The following PSMD1 variants were observed in gnomAD, a reference collection of about 807,000 sequenced individuals.
PSMD1 encodes the protein proteasome 26S subunit, non-ATPase 1, also known as 26S proteasome non-ATPase regulatory subunit 1.
PSMD1 carries 18 observed loss-of-function variants against 119.0 expected under a neutral mutation model. That is an observed-to-expected ratio of 0.15 (90% CI 0.10 to 0.22). PSMD1 has a LOEUF of 0.22. PSMD1 is among the 10% of genes least tolerant of loss of function. PSMD1 has a pLI of 1.00. For synonymous variants in PSMD1, 374 were observed against 396.6 expected, an observed-to-expected ratio of 0.94 and a Z score of 0.68; for missense variants, 702 against 1,158.5, an observed-to-expected ratio of 0.61 and a Z score of 5.72.
rs556369668 is a variant in PSMD1 at position 231,135,096 on chromosome 2, TTGAG to T, written c.1884-3634_1884-3631del. ...GGTAATTAATTAGGTGGCAAAACAC[TTGAG>T]TGAGTTTGTTAGATGATTTGGGTAT... is the stretch of plus-strand genomic sequence containing the variant. On this transcript the variant is annotated intron_variant, in intron 16 of 24. Transcript: ENST00000308696. Among the ~76,000 whole-genome samples the T allele has an allele frequency of 3.2e-4, 48 of 152,296 alleles. No individual in the cohort carries two copies. In the East Asian group the frequency reaches 8.3e-3, roughly 26 times the overall value.
At chr2:231,167,855 A>T (rs911889766) in intron 23 of PSMD1, among the ~76,000 whole-genome samples, 3 of 152,276 alleles carry the variant, frequency 2.0e-5, no homozygotes, top group African/African-American at 7.2e-5. Context: ...TTCTCCAAAG[A>T]AGATGTACAG....
At chr2:231,123,293 C>CT in intron 16 of PSMD1, 1 of 800,236 alleles carries the variant, frequency 1.2e-6, no homozygotes, top group East Asian at 2.6e-5. Flanking sequence ...CTTGCCGTAT[C>CT]TTTAAATAGT....
At chr2:231,069,118 T>C (rs537366762) in intron 5 of PSMD1, among the ~76,000 whole-genome samples, 14 of 151,966 alleles carry the variant, frequency 9.2e-5, no homozygotes, top group East Asian at 1.9e-4. Flanking sequence ...AAACACTTCA[T>C]TGGGGAATCT....
chr2:231,166,104 C>T (rs1696776782), intron 23 of PSMD1, 87 bp downstream of exon 23: 2 of 1,290,764 alleles, frequency 1.5e-6, no homozygotes, highest in Admixed American at 4.7e-5. Flanking sequence ...TGATAAATCT[C>T]CAAAGCATTG....
rs1694215044 is a variant in PSMD1 at position 231,078,219 on chromosome 2, G to T, written c.1072-440G>T. ...GGAGGTGGAGGCTGCAGTGAGCCGA[G>T]ATCGTACCACTGCACTCCAGCCTGG... is the stretch of plus-strand genomic sequence containing the variant. On this transcript the variant is annotated intron_variant, in intron 9 of 24. Transcript: ENST00000308696. Among the ~76,000 whole-genome samples the T allele has an allele frequency of 2.0e-5, 3 of 152,176 alleles. 1 individual carries two copies. The South Asian group carries it at 6.2e-4, about 32-fold the overall frequency.
chr2:231,094,077 G>A (rs955961130), intron 16 of PSMD1, among the ~76,000 whole-genome samples: 4 of 152,140 alleles, frequency 2.6e-5, no homozygotes, highest in Non-Finnish European at 5.9e-5. Context: ...TAGGATGTGA[G>A]TAACATCTGT....
intron 16 of PSMD1, among the ~76,000 whole-genome samples, chr2:231,135,379 T>C (rs900441390): frequency 1.3e-5 from 2 of 152,200 alleles, no homozygotes; most frequent in African/African-American, 2.4e-5. Context: ...GGAACAGACT[T>C]ACAGAACTTC....
chr2:231,063,503 T>C (rs1693810578), intron 4 of PSMD1, among the ~76,000 whole-genome samples: 1 of 152,342 alleles, frequency 6.6e-6, no homozygotes, highest in East Asian at 1.9e-4. Flanking sequence ...GTCTGTATTA[T>C]TCACTTGAAC....
chr2:231,086,241 G>A (rs1278335710), intron 15 of PSMD1, among the ~76,000 whole-genome samples: 5 of 152,064 alleles, frequency 3.3e-5, no homozygotes, highest in Non-Finnish European at 7.4e-5. Flanking sequence ...ACAGGGTCTC[G>A]CTGTGTTGCC....
chr2:231,112,657 C>A (rs1016354152), intron 16 of PSMD1, among the ~76,000 whole-genome samples: 3 of 152,052 alleles, frequency 2.0e-5, no homozygotes, highest in Admixed American at 6.5e-5. Flanking sequence ...CTGGTCAAAC[C>A]ATTGTAATTT....
At chr2:231,163,812 T>TAAAAGATA in intron 21 of PSMD1, 85 bp downstream of exon 21, 1 of 990,776 alleles carries the variant, frequency 1.0e-6, no homozygotes, top group Non-Finnish European at 1.5e-6. Context: ...CTATCTTTTA[T>TAAAAGATA]GTTTTAAAAG....
At chr2:231,100,106 G>A (rs1172337717) in intron 16 of PSMD1, among the ~76,000 whole-genome samples, 1 of 152,316 alleles carries the variant, frequency 6.6e-6, no homozygotes, top group Non-Finnish European at 1.5e-5. Context: ...GCCTCCTCAC[G>A]AGAGAGAACC....
At chr2:231,168,396 G>A (rs189929827) in intron 23 of PSMD1, among the ~76,000 whole-genome samples, 25 of 152,180 alleles carry the variant, frequency 1.6e-4, no homozygotes, top group East Asian at 3.9e-4. Context: ...GCCATAAAAC[G>A]GAAACAACTT....
intron 23 of PSMD1, among the ~76,000 whole-genome samples, chr2:231,166,554 C>T (rs1397239774): frequency 3.3e-5 from 5 of 150,722 alleles, no homozygotes; most frequent in Non-Finnish European, 5.9e-5. Flanking sequence ...AAATGCATTG[C>T]ATTTTAGTTA....
chr2:231,171,549 A>ATTTTTTT (rs568576394), intron 24 of PSMD1, among the ~76,000 whole-genome samples: 1 of 117,274 alleles, frequency 8.5e-6, no homozygotes, highest in African/African-American at 3.3e-5. Flanking sequence ...TTTTCAGACA[A>ATTTTTTT]TTTTTTTTTT....
intron 24 of PSMD1, among the ~76,000 whole-genome samples, chr2:231,171,014 G>A (rs1045072269): frequency 3.9e-5 from 6 of 152,248 alleles, no homozygotes; most frequent in South Asian, 4.1e-4. Flanking sequence ...TCTGCTCAAC[G>A]CTTCTTTCAT....
rs1344692732 is a variant in PSMD1, at chr2:231,138,867, A to G, written c.1998+17A>G. 5 of 1,574,620 alleles carry G rather than the reference A, an allele frequency of 3.2e-6. No homozygotes were observed. The highest frequency in any genetic ancestry group is 3.3e-5 in the Admixed American group (2 of 59,882). ...GGAAACAAGGTAAAGCCCACAGCCA[A>G]TGGGGTCAGTTCTTTCTTGGCGCCA... is the stretch of plus-strand genomic sequence containing the variant. On this transcript the variant is annotated intron_variant, in intron 17 of 24. Transcript: ENST00000308696.
intron 2 of PSMD1, among the ~76,000 whole-genome samples, chr2:231,061,604 AC>A (rs1465723211): frequency 6.6e-6 from 1 of 151,320 alleles, no homozygotes; most frequent in Non-Finnish European, 1.5e-5. Flanking sequence ...TCGCTTTATC[AC>A]CCAGGCTAGA....
chr2:231,143,570 A>C (rs2125251919), intron 17 of PSMD1, among the ~76,000 whole-genome samples: 1 of 152,298 alleles, frequency 6.6e-6, no homozygotes, highest in Non-Finnish European at 1.5e-5. Flanking sequence ...AAAGTCCTGC[A>C]GAGTGTGAAT....
Sources: allele counts gnomAD v4.1 joint callset (sites outside exome capture counted in the v4.1 genomes callset), GRCh38; gene constraint gnomAD v4.1.1; transcripts MANE v1.5; gene names NCBI Gene and HGNC (gene_info 2026-07-23, HGNC 2026-07-21).